The following MAZ variants were observed in gnomAD, a reference collection of about 807,000 sequenced individuals.
The protein encoded by MAZ is myc-associated zinc finger protein.
MAZ carries 4 observed loss-of-function variants against 32.7 expected under a neutral mutation model. The observed-to-expected ratio is 0.12, with a 90% CI of 0.06 to 0.28. The LOEUF is 0.28. MAZ is among the 10% of genes least tolerant of loss of function. The pLI, the probability that MAZ is intolerant of heterozygous loss-of-function variation, is 1.00. For synonymous variants in MAZ, 510 were observed against 297.6 expected, an observed-to-expected ratio of 1.71 and a Z score of -7.35; for missense variants, 763 against 667.2, an observed-to-expected ratio of 1.14 and a Z score of -1.58.
rs1259824057 is a variant in MAZ at position 29,810,455 on chromosome 16, C to T, written c.*224C>T. 2 of 714,308 alleles carry T rather than the reference C, an allele frequency of 2.8e-6. No individual in the cohort carries two copies. The highest frequency in any genetic ancestry group is 2.7e-5 in the East Asian group (1 of 37,322). The allele number at this position is 714,308 out of a possible 1,614,324, so 44.2% of individuals were successfully genotyped here. A position where few individuals can be genotyped will look rare whatever the true frequency, so the allele number is the denominator to read the frequency against. On this transcript the variant is annotated 3_prime_UTR_variant, in exon 5 of 5. Transcript: ENST00000322945. The stretch of plus-strand genomic sequence containing the variant: ...CTGACCCCACACAAACCTGTCCCCT[C>T]GGTTGTGTTGAAGTCCCCTGGACAG...
Position 29,806,739 on chromosome 16 carries a change from C to A in MAZ, c.38C>A (p.Pro13His), listed in dbSNP as rs772676744. The A allele has an allele frequency of 7.7e-5, 107 of 1,395,268 alleles. No individual in the cohort carries two copies. Among genetic ancestry groups the A allele is most frequent in the Non-Finnish European group, 9.6e-5 (102 of 1,058,428 alleles). The allele number at this position is 1,395,268 out of a possible 1,614,324, so 86.4% of individuals were successfully genotyped here. Residue 13 changes from proline to histidine, a missense_variant, in exon 1 of 5, where the codon CCC becomes CAC. Physicochemically the swap from Pro to His is moderately conservative, Grantham distance 77 (BLOSUM62 -2). Coordinates refer to ENST00000322945, the MANE Select transcript of MAZ (RefSeq NM_002383.4). ...PVFPCTLLAPPFPVLGLDSRG... is the reference protein window; with the variant it reads ...PVFPCTLLAPHFPVLGLDSRG... ...TTTCCTTGCACGCTGCTGGCCCCCC[C>A]CTTCCCCGTGCTGGGCCTGGACTCC...
In MAZ at chr16:29,807,002, C is replaced by A; in HGVS notation, c.217C>A (p.Pro73Thr). 1 of 1,009,216 alleles carries A rather than the reference C, an allele frequency of 9.9e-7. No individual in the cohort carries two copies. Among genetic ancestry groups the A allele is most frequent in the Non-Finnish European group, 1.2e-6 (1 of 848,824 alleles). 62.5% of individuals were successfully genotyped at this position (1,009,216 alleles called of 1,614,324 possible). A position where few individuals can be genotyped will look rare whatever the true frequency, so the allele number is the denominator to read the frequency against. The stretch of plus-strand genomic sequence containing the variant: ...GGCCGCGCCGGCGCCCCCGCCCACG[C>A]CCCAGGCCCCGGCGGCCGAGCCCCT... ...FQAAPAPPPT[P>T]QAPAAEPLQV... The change falls in exon 2 of 5, where the codon CCC becomes ACC. Residue 73 changes from proline to threonine, a missense_variant. Coordinates refer to ENST00000322945, the MANE Select transcript of MAZ (RefSeq NM_002383.4).
chr16:29,806,930 G>T, intron 1 of MAZ, 37 bp downstream of exon 1: 7 of 1,225,768 alleles, frequency 5.7e-6, no homozygotes, highest in East Asian at 4.2e-5. Flanking sequence ...GGGCTGGGGG[G>T]GGACGCCCGC....
At position 29,809,122 on chromosome 16, in the gene MAZ, C is replaced by T. The variant is rs533337804; in HGVS notation, c.1279+381C>T. On this transcript the variant is annotated intron_variant, in intron 4 of 4. Coordinates refer to ENST00000322945, the MANE Select transcript of MAZ (RefSeq NM_002383.4). Reference sequence around the variant, plus strand: ...GGTGGAGTACACGGGCCGGGCTTTACCAGCACGCACCCTGCACGGGTAGCA... The same window carrying T: ...GGTGGAGTACACGGGCCGGGCTTTATCAGCACGCACCCTGCACGGGTAGCA... 4.9e-5 allele frequency: 25 copies of T among 508,414 alleles called. No homozygotes were observed. In the Admixed American group the frequency reaches 5.6e-4, roughly 11 times the overall value. The allele number at this position is 508,414 out of a possible 1,614,324, so 31.5% of individuals were successfully genotyped here. A position where few individuals can be genotyped will look rare whatever the true frequency, so the allele number is the denominator to read the frequency against.
chr16:29,808,200 G>C, intron 2 of MAZ, 30 bp from the exon 3 acceptor site: 1 of 1,603,972 alleles, frequency 6.2e-7, no homozygotes, highest in Non-Finnish European at 8.5e-7. Flanking sequence ...CACCACCTCC[G>C]CCCTAACCCC....
At position 29,806,872 on chromosome 16, in the gene MAZ, C is replaced by T. The variant is rs1160044274; in HGVS notation, c.171C>T (p.Gly57=). 3 of 1,426,698 alleles carry T rather than the reference C, an allele frequency of 2.1e-6. No homozygotes were observed. The highest frequency in any genetic ancestry group is 2.8e-6 in the Non-Finnish European group (3 of 1,080,034). The allele number at this position is 1,426,698 out of a possible 1,614,324, so 88.4% of individuals were successfully genotyped here. A position where few individuals can be genotyped will look rare whatever the true frequency, so the allele number is the denominator to read the frequency against. ...ELQSRFFASQ[G]CAQSPFQAAP... is the part of the protein sequence containing the mutation. ...AGTCCCGCTTCTTTGCCTCCCAGGG[C>T]TGCGCCCAGAGTCCATTCCAGGTGA... Residue 57 remains glycine (G), a synonymous_variant, in exon 1 of 5, where the codon GGC becomes GGT. Coordinates refer to ENST00000322945, the MANE Select transcript of MAZ (RefSeq NM_002383.4).
At chr16:29,809,621 G>T in intron 4 of MAZ, 1 of 1,611,288 alleles carries the variant, frequency 6.2e-7, no homozygotes, top group South Asian at 1.1e-5. Context: ...CGCATCCTGT[G>T]CAAGCTGTGC....
At position 29,810,129 on chromosome 16, in the gene MAZ, A is replaced by AGCGGCG. The variant is rs778245134; in HGVS notation, c.1334_1335insGGCGGC (p.Ala447_Ala448dup). 9.4e-6 allele frequency: 15 copies of AGCGGCG among 1,600,426 alleles called. No individual in the cohort carries two copies. The highest frequency in any genetic ancestry group is 4.5e-5 in the East Asian group (2 of 44,242). ...CGGCAGCGGCAGCGGCGGCAGCGGC[A>AGCGGCG]GCAGCGGCAGCAGTAGCAGCCCCTC... is the stretch of plus-strand genomic sequence containing the variant. On this transcript the variant is annotated inframe_insertion, in exon 5 of 5. Transcript: ENST00000322945.
rs758356460 is a variant in MAZ, at chr16:29,807,079, TGCTGCGGCC to T, written c.300_308del (p.Ala106_Ala108del). Reference sequence around the variant, plus strand: ...CCGCCGCCCAGGAGTCCGCCGCGGCTGCTGCGGCCGCTGCCGCCGCTGCTGCCGCCGTCG... The same window carrying T: ...CCGCCGCCCAGGAGTCCGCCGCGGCTGCTGCCGCCGCTGCTGCCGCCGTCG... On this transcript the variant is annotated inframe_deletion, in exon 2 of 5. Coordinates refer to ENST00000322945, the MANE Select transcript of MAZ (RefSeq NM_002383.4). The T allele has an allele frequency of 1.4e-4, 140 of 1,012,134 alleles. No homozygotes were observed. In the Admixed American group the frequency reaches 1.6e-3, roughly 11 times the overall value. The allele number at this position is 1,012,134 out of a possible 1,614,324, so 62.7% of individuals were successfully genotyped here. A position where few individuals can be genotyped will look rare whatever the true frequency, so the allele number is the denominator to read the frequency against.
At chr16:29,809,959 C>T (rs534795432) in intron 4 of MAZ, 118 bp from the exon 5 acceptor site, 5 of 1,492,396 alleles carry the variant, frequency 3.4e-6, no homozygotes, top group Admixed American at 4.4e-5. Context: ...CTCTGGGGTC[C>T]AGATAGGAAG....
chr16:29,808,960 C>G, intron 4 of MAZ: 1 of 571,630 alleles, frequency 1.7e-6, no homozygotes, highest in Non-Finnish European at 3.1e-6. Context: ...GGTTGAACCT[C>G]CTGGTAATGT....
chr16:29,809,918 G>C, intron 4 of MAZ, 159 bp from the exon 5 acceptor site: 1 of 1,267,542 alleles, frequency 7.9e-7, no homozygotes, highest in Non-Finnish European at 1.1e-6. Context: ...CTTGAGAACT[G>C]CTCTGTCTGG....
chr16:29,809,685 G>T (rs770032589), intron 4 of MAZ: 7 of 1,523,724 alleles, frequency 4.6e-6, no homozygotes, highest in African/African-American at 4.2e-5. Context: ...AGACCCATCT[G>T]GGGGGGGCCG....
Position 29,807,736 on chromosome 16 carries a change from G to A in MAZ, c.951G>A (p.Lys317=), listed in dbSNP as rs141211357. Residue 317 remains lysine, a synonymous_variant, in exon 2 of 5, where the codon AAG becomes AAA. Coordinates refer to ENST00000322945, the MANE Select transcript of MAZ (RefSeq NM_002383.4). ...GCCCGGTGTGCCAGCAGCGCTTCAA[G>A]CGCAAGGACCGCATGAGCTACCACG... is the stretch of plus-strand genomic sequence containing the variant. The part of the protein sequence containing the change: ...YQCPVCQQRF[K]RKDRMSYHVR... 2.4e-3 allele frequency: 3,856 copies of A among 1,612,862 alleles called. 5 individuals carry two copies. The highest frequency in any genetic ancestry group is 3.0e-3 in the Non-Finnish European group (3,576 of 1,179,982).
chr16:29,807,880 A>G (rs1246174758), intron 2 of MAZ, 52 bp downstream of exon 2: 2 of 1,582,132 alleles, frequency 1.3e-6, no homozygotes, highest in Non-Finnish European at 1.7e-6. Flanking sequence ...GAGGGACGCG[A>G]CGGAGGTGGC....
At chr16:29,809,601 G>C (rs1182298041) in intron 4 of MAZ, 1 of 1,612,132 alleles carries the variant, frequency 6.2e-7, no homozygotes, top group Admixed American at 1.7e-5. Context: ...TCCAGGCCCC[G>C]CGGGCTGACC....
Position 29,807,487 on chromosome 16 carries a change from C to A in MAZ, c.702C>A (p.Ser234Arg). Residue 234 changes from serine (S) to arginine (R), a missense_variant, in exon 2 of 5, where the codon AGC becomes AGA. By Grantham distance (110) the Ser-to-Arg change is moderately radical (BLOSUM62 -1). Coordinates refer to ENST00000322945, the MANE Select transcript of MAZ (RefSeq NM_002383.4). ...AGATGCCGACCATGGTGCCCCTGAG[C>A]CTCCTGAGCGTGCCCCAGCTGAGCG... is the stretch of plus-strand genomic sequence containing the variant. ...AMKMPTMVPL[S>R]LLSVPQLSGA... 6.2e-7 allele frequency: 1 copy of A among 1,612,168 alleles called. No homozygotes were observed. The highest frequency in any genetic ancestry group is 8.5e-7 in the Non-Finnish European group (1 of 1,179,630).
In MAZ at chr16:29,806,654, C is replaced by A. The variant is rs1340563588; in HGVS notation, c.-48C>A. On this transcript the variant is annotated 5_prime_UTR_variant, in exon 1 of 5. Coordinates refer to ENST00000322945, the MANE Select transcript of MAZ (RefSeq NM_002383.4). ...CCGAGCCCGGGCCCCGCGCGGCCCG[C>A]GCCCCCGGCCCCCGCTGAGCCCCGG... The A allele has an allele frequency of 1.0e-6, 1 of 987,726 alleles. No homozygotes were observed. The highest frequency in any genetic ancestry group is 1.2e-6 in the Non-Finnish European group (1 of 828,444). The allele number at this position is 987,726 out of a possible 1,614,324, so 61.2% of individuals were successfully genotyped here.
At chr16:29,810,040 A>G in intron 4 of MAZ, 37 bp from the exon 5 acceptor site, 1 of 1,581,878 alleles carries the variant, frequency 6.3e-7, no homozygotes, top group Admixed American at 1.8e-5. Flanking sequence ...CTTGCCATTC[A>G]GATCGCGCTG....
Sources: allele counts gnomAD v4.1 joint callset, GRCh38; gene constraint gnomAD v4.1.1; transcripts MANE v1.5; gene names NCBI Gene and HGNC (gene_info 2026-07-23, HGNC 2026-07-21).